SEMA3A: variants seen among roughly 807,000 people sequenced by gnomAD.
SEMA3A encodes the protein semaphorin 3A, also known as semaphorin-3A.
SEMA3A carries 29 observed loss-of-function variants against 97.9 expected under a neutral mutation model. The observed-to-expected ratio is 0.30, with a 90% CI of 0.22 to 0.40. The LOEUF is 0.40. SEMA3A is among the 10% of genes least tolerant of loss of function. The probability of loss-of-function intolerance (pLI) is 1.00; values close to 1 mark genes in which losing one functional copy is unlikely to be tolerated. For missense variants in SEMA3A, 763 were observed against 951.3 expected (o/e 0.80, Z 2.60); for synonymous variants, 321 against 323.7 (o/e 0.99, Z 0.09).
intron 12 of SEMA3A, among the ~76,000 whole-genome samples, chr7:83,998,128 C>A (rs1386951347): frequency 6.7e-6 from 1 of 149,328 alleles, no homozygotes; most frequent in Non-Finnish European, 1.5e-5. Flanking sequence ...AAAAAAAAAT[C>A]TAATAGATAT....
At chr7:84,454,086 C>T (rs1026388677) in intron 1 of SEMA3A, among the ~76,000 whole-genome samples, 1 of 152,036 alleles carries the variant, frequency 6.6e-6, no homozygotes, top group African/African-American at 2.4e-5. Context: ...TTAAAATATT[C>T]GCCTCAATTC....
intron 1 of SEMA3A, among the ~76,000 whole-genome samples, chr7:84,441,782 G>C (rs1484301067): frequency 6.6e-6 from 1 of 152,110 alleles, no homozygotes; most frequent in East Asian, 1.9e-4. Context: ...TTTAAAATAA[G>C]TAAAATAGAT....
chr7:84,395,725 C>T (rs1450709445), intron 1 of SEMA3A, among the ~76,000 whole-genome samples: 1 of 152,060 alleles, frequency 6.6e-6, no homozygotes, highest in Non-Finnish European at 1.5e-5. Context: ...TCCTGCTGCC[C>T]TTTGAAGAAG....
At chr7:84,217,601 G>A (rs1424019994) in intron 3 of SEMA3A, among the ~76,000 whole-genome samples, 2 of 152,198 alleles carry the variant, frequency 1.3e-5, no homozygotes, top group East Asian at 1.9e-4. Flanking sequence ...AGAAGAATAG[G>A]AGGGCAGAAA....
intron 2 of SEMA3A, among the ~76,000 whole-genome samples, chr7:84,313,965 T>C (rs1182748248): frequency 6.6e-6 from 1 of 152,074 alleles, no homozygotes; most frequent in African/African-American, 2.4e-5. Flanking sequence ...TGGCACCATA[T>C]ACAGTTTTAC....
At chr7:84,474,397 G>A (rs1451376796) in intron 1 of SEMA3A, among the ~76,000 whole-genome samples, 1 of 152,176 alleles carries the variant, frequency 6.6e-6, no homozygotes, top group Non-Finnish European at 1.5e-5. Context: ...CCCCTACGCA[G>A]ATTGTGTAGT....
intron 2 of SEMA3A, among the ~76,000 whole-genome samples, chr7:84,319,169 C>T (rs1161248605): frequency 6.6e-6 from 1 of 151,888 alleles, no homozygotes; most frequent in Non-Finnish European, 1.5e-5. Context: ...TTTGGATAAC[C>T]AGTGACAATA....
At chr7:84,165,372 A>G (rs572821600) in intron 1 of SEMA3A, among the ~76,000 whole-genome samples, 102 of 152,332 alleles carry the variant, frequency 6.7e-4, no homozygotes, top group Non-Finnish European at 1.2e-3. Flanking sequence ...ATTAAAAATC[A>G]TTATAACTAT....
At chr7:83,985,333 T>G in intron 13 of SEMA3A, 103 bp downstream of exon 13, 1 of 814,350 alleles carries the variant, frequency 1.2e-6, no homozygotes, top group East Asian at 2.6e-5. Flanking sequence ...TATTTTTGTA[T>G]AATTGTTAAC....
intron 1 of SEMA3A, among the ~76,000 whole-genome samples, chr7:84,424,869 T>A (rs1804738410): frequency 1.3e-5 from 1 of 75,688 alleles, no homozygotes; most frequent in South Asian, 5.4e-4. Context: ...TATATAAATA[T>A]AAATATATAA....
chr7:84,437,366 A>AG (rs1562948026), intron 1 of SEMA3A, among the ~76,000 whole-genome samples: 2 of 151,990 alleles, frequency 1.3e-5, no homozygotes, highest in Non-Finnish European at 2.9e-5. Flanking sequence ...TCTCCCTTGA[A>AG]TGTTTATTTC....
intron 1 of SEMA3A, among the ~76,000 whole-genome samples, chr7:84,441,730 A>G (rs1423724627): frequency 1.3e-5 from 2 of 152,178 alleles, no homozygotes; most frequent in East Asian, 3.8e-4. Flanking sequence ...ACATGGAGAT[A>G]TATTATAGTT....
chr7:84,076,555 G>C (rs2527033), intron 4 of SEMA3A, among the ~76,000 whole-genome samples: 82,429 of 151,832 alleles, frequency 0.54, 24,504 homozygotes, highest in African/African-American at 0.8. Context: ...TATGCCTTTG[G>C]AGTTCCTGTA....
At chr7:84,153,057 T>G (rs1269739529) in intron 1 of SEMA3A, among the ~76,000 whole-genome samples, 2 of 152,168 alleles carry the variant, frequency 1.3e-5, no homozygotes, top group Admixed American at 1.3e-4. Context: ...TAGCTGAGTT[T>G]GTTTGATGAT....
intron 1 of SEMA3A, among the ~76,000 whole-genome samples, chr7:84,427,692 A>G (rs928927518): frequency 1.7e-4 from 23 of 131,694 alleles, no homozygotes; most frequent in Non-Finnish European, 3.9e-4. Context: ...ATATGTAACA[A>G]TTAATAGTTT....
intron 14 of SEMA3A, among the ~76,000 whole-genome samples, chr7:83,978,814 T>C (rs1428180305): frequency 1.3e-5 from 2 of 152,142 alleles, no homozygotes; most frequent in Non-Finnish European, 2.9e-5. Context: ...ACAAAGAATA[T>C]ATAAATCATG....
chr7:84,325,288 A>G (rs919519149), intron 2 of SEMA3A, among the ~76,000 whole-genome samples: 21 of 152,110 alleles, frequency 1.4e-4, no homozygotes, highest in Admixed American at 8.5e-4. Flanking sequence ...GAAATAGACA[A>G]TCAACTAATC....
At chr7:84,429,127 A>G (rs1327274133) in intron 1 of SEMA3A, among the ~76,000 whole-genome samples, 1 of 152,042 alleles carries the variant, frequency 6.6e-6, no homozygotes, top group African/African-American at 2.4e-5. Flanking sequence ...AAGATAATTC[A>G]GGCTGAGATC....
Position 84,029,354 on chromosome 7 carries a change from G to A in SEMA3A, c.668-15003C>T, listed in dbSNP as rs565176800. Among the ~76,000 whole-genome samples the A allele has an allele frequency of 1.1e-4, 16 of 152,214 alleles. No individual in the cohort carries two copies. The South Asian group carries it at 1.2e-3, about 12-fold the overall frequency. On this transcript the variant is annotated intron_variant, in intron 6 of 16. Transcript: ENST00000265362. ...GTGCTTTTTGTCCATTGCAGATTGT[G>A]AAAGTTGCATATAATATCTTGTTAT...
Sources: allele counts gnomAD v4.1 joint callset (sites outside exome capture counted in the v4.1 genomes callset), GRCh38; gene constraint gnomAD v4.1.1; transcripts MANE v1.5; gene names NCBI Gene and HGNC (gene_info 2026-07-23, HGNC 2026-07-21).